The following DLC1 variants were observed in gnomAD, a reference collection of about 807,000 sequenced individuals.
DLC1 encodes the protein rho GTPase-activating protein 7.
DLC1 carries 54 observed loss-of-function variants against 140.3 expected under a neutral mutation model. The observed-to-expected ratio is 0.38, with a 90% confidence interval of 0.31 to 0.48. The LOEUF (loss-of-function observed/expected upper bound fraction) is 0.48. Ranked by LOEUF, DLC1 falls within the 20% of genes least tolerant of loss-of-function variation. DLC1 has a pLI of 0.96. For missense variants in DLC1, 2,536 were observed against 1,907.0 expected, an observed-to-expected ratio of 1.33 and a Z score of -6.14; for synonymous variants, 986 against 728.1, an observed-to-expected ratio of 1.35 and a Z score of -5.70.
chr8:13,276,479 G>A, intron 5 of DLC1: 1 of 1,332,980 alleles, frequency 7.5e-7, no homozygotes, highest in Non-Finnish European at 9.5e-7. Context: ...GCTCCCGGCC[G>A]CAGGCTGTCG....
intron 6 of DLC1, among the ~76,000 whole-genome samples, chr8:13,112,281 C>T (rs1820180330): frequency 6.6e-6 from 1 of 152,208 alleles, no homozygotes; most frequent in Non-Finnish European, 1.5e-5. Flanking sequence ...CCTGCGGGTG[C>T]ACAACTGTTC....
chr8:13,584,819 C>G (rs1805242805), intron 1 of DLC1, among the ~76,000 whole-genome samples: 1 of 152,138 alleles, frequency 6.6e-6, no homozygotes, highest in Admixed American at 6.5e-5. Flanking sequence ...CAGGCTCTTC[C>G]TACCCAATCC....
At chr8:13,537,738 C>A (rs981053396) in intron 1 of DLC1, among the ~76,000 whole-genome samples, 1 of 149,768 alleles carries the variant, frequency 6.7e-6, no homozygotes. Flanking sequence ...ACTGCAAGCT[C>A]CGCCTCCCGG....
chr8:13,552,156 CATAT>C (rs1803889284), intron 1 of DLC1, among the ~76,000 whole-genome samples: 1 of 38,062 alleles, frequency 2.6e-5, no homozygotes, highest in African/African-American at 9.3e-5. Context: ...TCTAGAGGTA[CATAT>C]ATATATCTGT....
Position 13,579,369 on chromosome 8 carries a change from A to G in DLC1, c.-126+25168T>C, listed in dbSNP as rs1563454138. Among the ~76,000 whole-genome samples the G allele has an allele frequency of 3.3e-5, 2 of 59,886 alleles. 1 individual carries two copies. Among genetic ancestry groups the G allele is most frequent in the Non-Finnish European group, 5.7e-5 (2 of 34,904 alleles). The allele number at this position is 59,886 out of a possible 152,430, so 39.3% of individuals were successfully genotyped here. A position where few individuals can be genotyped will look rare whatever the true frequency, so the allele number is the denominator to read the frequency against. On this transcript the variant is annotated intron_variant, in intron 1 of 1. Coordinates refer to the DLC1 transcript ENST00000631382. ...TATATATATATATATATATTTTTAT[A>G]TAATACATATTTATATATTATATAT...
chr8:13,313,951 G>A (rs1184688142), intron 4 of DLC1, among the ~76,000 whole-genome samples: 1 of 151,940 alleles, frequency 6.6e-6, no homozygotes, highest in Non-Finnish European at 1.5e-5. Context: ...TTCTACTTGG[G>A]TCTCCAAACA....
At chr8:13,343,247 T>C (rs1300675414) in intron 4 of DLC1, among the ~76,000 whole-genome samples, 2 of 152,186 alleles carry the variant, frequency 1.3e-5, no homozygotes, top group Non-Finnish European at 2.9e-5. Context: ...AGTTAGTTCA[T>C]GTTGTTTGCA....
chr8:13,339,872 G>C (rs1417401280), intron 4 of DLC1: 4 of 152,136 alleles, frequency 2.6e-5, no homozygotes, highest in Admixed American at 6.5e-5. Flanking sequence ...CACTCACTTA[G>C]CAAATATTGA....
At chr8:13,130,411 A>G (rs534425050) in intron 5 of DLC1, among the ~76,000 whole-genome samples, 3 of 152,280 alleles carry the variant, frequency 2.0e-5, no homozygotes, top group Admixed American at 2.0e-4. Context: ...GGTCTGGTAT[A>G]TTTTCCAGAA....
intron 5 of DLC1, among the ~76,000 whole-genome samples, chr8:13,186,776 A>G (rs1826394780): frequency 6.6e-6 from 1 of 152,094 alleles, no homozygotes; most frequent in South Asian, 2.1e-4. Context: ...GTTTCTTCCC[A>G]CCTTTGTGGT....
At chr8:13,153,433 C>A (rs749929632) in intron 5 of DLC1, among the ~76,000 whole-genome samples, 1 of 152,174 alleles carries the variant, frequency 6.6e-6, no homozygotes, top group Non-Finnish European at 1.5e-5. Context: ...ACCCAAAGAG[C>A]GAGCAGCAGC....
At chr8:13,597,551 A>G (rs1487193596) in intron 1 of DLC1, among the ~76,000 whole-genome samples, 2 of 152,050 alleles carry the variant, frequency 1.3e-5, no homozygotes, top group African/African-American at 4.8e-5. Context: ...AGCAAGTCTT[A>G]TTTTGTATAA....
At chr8:13,539,290 C>G (rs1421164476) in intron 1 of DLC1, among the ~76,000 whole-genome samples, 1 of 152,084 alleles carries the variant, frequency 6.6e-6, no homozygotes, top group Non-Finnish European at 1.5e-5. Flanking sequence ...AGCTCTGCCT[C>G]CTGAGTTCAC....
intron 5 of DLC1, among the ~76,000 whole-genome samples, chr8:13,222,175 G>A (rs1828589913): frequency 6.6e-6 from 1 of 151,674 alleles, no homozygotes; most frequent in Non-Finnish European, 1.5e-5. Flanking sequence ...TTCACATCAA[G>A]AAATGTAGGG....
chr8:13,465,728 TTTTAAGA>T lies in DLC1; in HGVS notation c.1023+33314_1023+33320del, dbSNP rs1008209358. Among the ~76,000 whole-genome samples the T allele has an allele frequency of 1.6e-4, 24 of 152,322 alleles. No homozygotes were observed. The South Asian group carries it at 5.0e-3, about 32-fold the overall frequency. On this transcript the variant is annotated intron_variant, in intron 2 of 17. Transcript: ENST00000276297. ...TGTTTCTCTAAATAGATTTTCTAAA[TTTTAAGA>T]TATTCAAATATATCCATCTTTTCTA...
intron 4 of DLC1, among the ~76,000 whole-genome samples, chr8:13,361,829 C>T (rs763302211): frequency 3.3e-5 from 5 of 152,162 alleles, no homozygotes; most frequent in Non-Finnish European, 7.3e-5. Flanking sequence ...TGCCTAACTT[C>T]TTATTTAGTA....
chr8:13,304,903 G>T, intron 5 of DLC1: 1 of 994,216 alleles, frequency 1.0e-6, no homozygotes, highest in Non-Finnish European at 1.2e-6. Context: ...TTTTTCTGTG[G>T]CTACTAAGTC....
At chr8:13,550,217 A>T (rs997987838) in intron 1 of DLC1, among the ~76,000 whole-genome samples, 2 of 152,028 alleles carry the variant, frequency 1.3e-5, no homozygotes, top group African/African-American at 4.8e-5. Context: ...TGTGATAGGG[A>T]GGGAGTCTCG....
chr8:13,357,363 C>G (rs757801650), intron 4 of DLC1, among the ~76,000 whole-genome samples: 2 of 152,178 alleles, frequency 1.3e-5, no homozygotes, highest in African/African-American at 2.4e-5. Flanking sequence ...TCAGAGAAAA[C>G]TGTTTTATAT....
Sources: allele counts gnomAD v4.1 joint callset (sites outside exome capture counted in the v4.1 genomes callset), GRCh38; gene constraint gnomAD v4.1.1; transcripts MANE v1.5; gene names NCBI Gene and HGNC (gene_info 2026-07-23, HGNC 2026-07-21).